Variants in TENM4 observed in about 807,000 individuals in gnomAD.
The protein encoded by TENM4 is teneurin-4.
Under a neutral mutation model 243.3 loss-of-function variants are expected in TENM4, and 82 were observed. That is an observed-to-expected ratio of 0.34 (90% CI 0.28 to 0.40). The LOEUF is 0.40. Ranked by LOEUF, TENM4 falls within the 10% of genes least tolerant of loss-of-function variation. The pLI is 1.00. For missense variants in TENM4, 3,138 were observed against 3,673.3 expected (o/e 0.85, Z 3.77); for synonymous variants, 1,412 against 1,456.3 (o/e 0.97, Z 0.69).
intron 1 of TENM4, among the ~76,000 whole-genome samples, chr11:79,432,139 T>C (rs558893634): frequency 6.6e-6 from 1 of 152,242 alleles, no homozygotes; most frequent in African/African-American, 2.4e-5. Flanking sequence ...CTCTAGATTA[T>C]CTAGTGCATT....
Position 79,281,467 on chromosome 11 carries a change from C to T in TENM4, c.-265+16021G>A, listed in dbSNP as rs189182501. Among the ~76,000 whole-genome samples the T allele has an allele frequency of 1.2e-4, 19 of 152,210 alleles. No individual in the cohort carries two copies. The East Asian group carries it at 2.5e-3, about 20-fold the overall frequency. Reference sequence around the variant, plus strand: ...ATGCTTTTTTAGTTTTAATTTATCACGACAACCCTAGGAAGTAGGCATCAA... The same window carrying T: ...ATGCTTTTTTAGTTTTAATTTATCATGACAACCCTAGGAAGTAGGCATCAA... On this transcript the variant is annotated intron_variant, in intron 2 of 33. Transcript: ENST00000278550.
intron 6 of TENM4, among the ~76,000 whole-genome samples, chr11:78,988,423 G>T (rs994330690): frequency 1.3e-5 from 2 of 152,194 alleles, no homozygotes; most frequent in Admixed American, 6.5e-5. Context: ...AATAAATGTT[G>T]TTGTGCTAAG....
chr11:78,753,862 A>G (rs540184287), intron 19 of TENM4, among the ~76,000 whole-genome samples: 1 of 152,314 alleles, frequency 6.6e-6, no homozygotes, highest in African/African-American at 2.4e-5. Flanking sequence ...TATATAACCA[A>G]CTGAAGGTGA....
At chr11:79,072,549 T>C (rs1256928704) in intron 4 of TENM4, among the ~76,000 whole-genome samples, 1 of 151,856 alleles carries the variant, frequency 6.6e-6, no homozygotes, top group East Asian at 1.9e-4. Context: ...TGTATGCGAA[T>C]GTGTGTGTTT....
At chr11:79,262,783 T>C (rs1482273576) in intron 2 of TENM4, among the ~76,000 whole-genome samples, 2 of 152,222 alleles carry the variant, frequency 1.3e-5, no homozygotes, top group Admixed American at 6.5e-5. Flanking sequence ...TTAATATCTC[T>C]GAGTCTTTTA....
chr11:78,936,023 T>G (rs1376796948), intron 6 of TENM4, among the ~76,000 whole-genome samples: 1 of 152,220 alleles, frequency 6.6e-6, no homozygotes, highest in Non-Finnish European at 1.5e-5. Flanking sequence ...AATGTAACAG[T>G]TCATTCCCCA....
chr11:79,292,229 T>A (rs899469073), intron 2 of TENM4, among the ~76,000 whole-genome samples: 1 of 152,064 alleles, frequency 6.6e-6, no homozygotes, highest in African/African-American at 2.4e-5. Flanking sequence ...GCAAAAGCCC[T>A]CCCTTGAGAG....
intron 1 of TENM4, among the ~76,000 whole-genome samples, chr11:79,430,469 C>A (rs893714251): frequency 6.6e-6 from 1 of 152,206 alleles, no homozygotes; most frequent in East Asian, 1.9e-4. Flanking sequence ...GAGTAACCAC[C>A]TGATGCCTAC....
chr11:79,356,162 G>A (rs778754427), intron 1 of TENM4, among the ~76,000 whole-genome samples: 16 of 152,158 alleles, frequency 1.1e-4, no homozygotes, highest in Non-Finnish European at 1.9e-4. Context: ...GCATCTGGAC[G>A]TGAATCCAAG....
At chr11:79,008,895 A>G (rs1372411674) in intron 6 of TENM4, among the ~76,000 whole-genome samples, 1 of 152,202 alleles carries the variant, frequency 6.6e-6, no homozygotes, top group Non-Finnish European at 1.5e-5. Context: ...GAGAGTGTCT[A>G]TATCACCACG....
intron 29 of TENM4, 95 bp downstream of exon 29, chr11:78,687,959 C>T: frequency 7.0e-7 from 1 of 1,423,750 alleles, no homozygotes; most frequent in Non-Finnish European, 9.6e-7. Context: ...TGTTCTTGGG[C>T]AGCTCCAGCA....
chr11:79,344,971 G>C (rs749790996), intron 1 of TENM4, among the ~76,000 whole-genome samples: 41 of 152,158 alleles, frequency 2.7e-4, no homozygotes, highest in Non-Finnish European at 5.6e-4. Context: ...CTTCCTAAGG[G>C]TAATGGATTT....
At chr11:79,000,585 G>A (rs1471367341) in intron 6 of TENM4, among the ~76,000 whole-genome samples, 1 of 152,082 alleles carries the variant, frequency 6.6e-6, no homozygotes, top group East Asian at 1.9e-4. Flanking sequence ...AATGCATTTT[G>A]TATTCCCTAG....
chr11:78,963,570 G>A (rs1424267533), intron 6 of TENM4, among the ~76,000 whole-genome samples: 3 of 152,072 alleles, frequency 2.0e-5, no homozygotes, highest in Admixed American at 6.6e-5. Context: ...CAGACCCAGT[G>A]GGCCATCTTA....
chr11:79,003,105 A>G (rs975923661), intron 6 of TENM4, among the ~76,000 whole-genome samples: 58 of 152,344 alleles, frequency 3.8e-4, no homozygotes, highest in African/African-American at 1.3e-3. Flanking sequence ...ACAAAAATAA[A>G]GAAAAAAGAA....
intron 4 of TENM4, among the ~76,000 whole-genome samples, chr11:79,076,759 A>G (rs1253472643): frequency 6.6e-6 from 1 of 152,212 alleles, no homozygotes; most frequent in Non-Finnish European, 1.5e-5. Context: ...CACTGAAGAC[A>G]GGAAAAGAAA....
intron 15 of TENM4, among the ~76,000 whole-genome samples, chr11:78,790,743 G>A (rs1857039050): frequency 6.6e-6 from 1 of 152,188 alleles, no homozygotes; most frequent in Non-Finnish European, 1.5e-5. Flanking sequence ...TCACAGGTGG[G>A]CTTCCCTTTG....
rs531480615 is a variant in TENM4 at position 79,227,128 on chromosome 11, G to A, written c.-264-11219C>T. ...TATCTTCACCTCTTACTTTGTCTTC[G>A]ACAACATCCCTGGCAGTGGCCACAT... On this transcript the variant is annotated intron_variant, in intron 2 of 33. Coordinates refer to ENST00000278550, the MANE Select transcript of TENM4 (RefSeq NM_001098816.3). Among the ~76,000 whole-genome samples, 4 of 152,304 alleles carry A rather than the reference G, an allele frequency of 2.6e-5. No individual in the cohort carries two copies. In the East Asian group the frequency reaches 5.8e-4, roughly 22 times the overall value.
intron 2 of TENM4, among the ~76,000 whole-genome samples, chr11:79,237,192 A>ATG (rs142051837): frequency 0.19 from 28,222 of 152,026 alleles, 2,831 homozygotes; most frequent in African/African-American, 0.22. Context: ...AGATTTTTTT[A>ATG]TGTCTTTATC....
Sources: allele counts gnomAD v4.1 joint callset (sites outside exome capture counted in the v4.1 genomes callset), GRCh38; gene constraint gnomAD v4.1.1; transcripts MANE v1.5; gene names NCBI Gene and HGNC (gene_info 2026-07-23, HGNC 2026-07-21).